Variants in FBLN7 observed in about 807,000 individuals in gnomAD.
The protein encoded by FBLN7 is fibulin 7.
A neutral mutation model predicts 44.0 loss-of-function variants in FBLN7; 31 were observed. The ratio of observed to expected loss-of-function variants is 0.70; its 90% CI spans 0.53 to 0.95. FBLN7 has a LOEUF of 0.95. Among genes scored for constraint, FBLN7 ranks in the 40% least tolerant of loss-of-function variants. The pLI is 0.00. For missense variants in FBLN7, 573 were observed against 618.5 expected, an observed-to-expected ratio of 0.93 and a Z score of 0.78; for synonymous variants, 262 against 253.4, an observed-to-expected ratio of 1.03 and a Z score of -0.32.
intron 1 of FBLN7, among the ~76,000 whole-genome samples, chr2:112,142,468 A>C (rs1199375337): frequency 6.6e-6 from 1 of 152,130 alleles, no homozygotes; most frequent in Non-Finnish European, 1.5e-5. Flanking sequence ...GGACTCCTGA[A>C]CCCACCAGTA....
the FBLN7 span, among the ~76,000 whole-genome samples, chr2:112,199,414 T>C: frequency 6.6e-6 from 1 of 152,182 alleles, no homozygotes; most frequent in Non-Finnish European, 1.5e-5. Context: ...TTTTCAACAT[T>C]GCTGCTCTAG....
the FBLN7 span, among the ~76,000 whole-genome samples, chr2:112,235,929 A>G: frequency 9.0e-6 from 1 of 110,776 alleles, no homozygotes. Context: ...CATTGATAGT[A>G]TAACACTAAA....
At chr2:112,219,366 A>G in the FBLN7 span, among the ~76,000 whole-genome samples, 1 of 152,332 alleles carries the variant, frequency 6.6e-6, no homozygotes, top group South Asian at 2.1e-4. Flanking sequence ...TGCTAGGAAA[A>G]CTGGATCTCC....
At chr2:112,184,016 A>G (rs940473424) in intron 6 of FBLN7, among the ~76,000 whole-genome samples, 1 of 152,200 alleles carries the variant, frequency 6.6e-6, no homozygotes, top group African/African-American at 2.4e-5. Context: ...TGATGTAGAC[A>G]TGCTGAATCT....
chr2:112,167,869 CGTTATGTTATGTTAT>C (rs137969881), intron 3 of FBLN7, among the ~76,000 whole-genome samples: 16 of 132,930 alleles, frequency 1.2e-4, no homozygotes, highest in East Asian at 1.1e-3. Context: ...AGGAAAGACA[CGTTATGTTATGTTAT>C]GTTATGTTAT....
Position 112,168,327 on chromosome 2 carries a change from C to A in FBLN7, c.406+3156C>A, listed in dbSNP as rs1169098337. Among the ~76,000 whole-genome samples the A allele has an allele frequency of 2.6e-5, 4 of 152,216 alleles. No individual in the cohort carries two copies. In the East Asian group the frequency reaches 7.7e-4, roughly 29 times the overall value. On this transcript the variant is annotated intron_variant, in intron 3 of 7. Coordinates refer to ENST00000331203, the MANE Select transcript of FBLN7 (RefSeq NM_153214.3). The stretch of plus-strand genomic sequence containing the variant: ...ACTTGGGAAGGACTAACTCAGGGAA[C>A]AAGGTGATGGCCAGTCCAGGATGAG...
chr2:112,237,212 T>C, the FBLN7 span, among the ~76,000 whole-genome samples: 2 of 152,134 alleles, frequency 1.3e-5, no homozygotes. Context: ...CATCCTGGAT[T>C]CCCCATTCAT....
At chr2:112,147,283 C>T (rs1269390797) in intron 1 of FBLN7, among the ~76,000 whole-genome samples, 1 of 152,104 alleles carries the variant, frequency 6.6e-6, no homozygotes, top group African/African-American at 2.4e-5. Context: ...TTGTATCTTT[C>T]AAGAAATTGG....
chr2:112,203,870 C>T, the FBLN7 span, among the ~76,000 whole-genome samples: 3 of 152,152 alleles, frequency 2.0e-5, no homozygotes, highest in African/African-American at 7.2e-5. Context: ...GACTTATTCA[C>T]TACCACGAGA....
At chr2:112,236,601 T>C in the FBLN7 span, 1 of 1,614,054 alleles carries the variant, frequency 6.2e-7, no homozygotes, top group Non-Finnish European at 8.5e-7. Context: ...AAGCATTTGA[T>C]CCTTTGTTTC....
At chr2:112,197,225 G>A in the FBLN7 span, among the ~76,000 whole-genome samples, 861 of 108,300 alleles carry the variant, frequency 8.0e-3, 8 homozygotes, top group African/African-American at 0.027. Context: ...ACTGGCATCC[G>A]TAAGAGAAAA....
the FBLN7 span, chr2:112,211,395 G>A: frequency 6.6e-6 from 1 of 152,158 alleles, no homozygotes; most frequent in Non-Finnish European, 1.5e-5. Flanking sequence ...CTAGGGAAGA[G>A]GAATCTTGGG....
intron 1 of FBLN7, among the ~76,000 whole-genome samples, chr2:112,147,837 A>G (rs1026453981): frequency 6.6e-6 from 1 of 152,112 alleles, no homozygotes; most frequent in African/African-American, 2.4e-5. Flanking sequence ...CACTTTTTCT[A>G]CACGGAAACT....
At chr2:112,159,652 G>A (rs1308754534) in intron 1 of FBLN7, 24 bp from the exon 2 acceptor site, 3 of 1,493,684 alleles carry the variant, frequency 2.0e-6, no homozygotes, top group Non-Finnish European at 2.7e-6. Flanking sequence ...AATGGGTGGT[G>A]GCGGCGATGT....
chr2:112,144,863 C>T (rs1234978691), intron 1 of FBLN7, among the ~76,000 whole-genome samples: 2 of 152,180 alleles, frequency 1.3e-5, no homozygotes, highest in Admixed American at 6.5e-5. Context: ...CAACAACCAC[C>T]GTGGTGTCAT....
chr2:112,211,239 C>T, the FBLN7 span, among the ~76,000 whole-genome samples: 4 of 152,164 alleles, frequency 2.6e-5, no homozygotes. Flanking sequence ...TTTTTAGAGT[C>T]AAAATCAACT....
At chr2:112,236,666 C>A in the FBLN7 span, 1 of 1,612,330 alleles carries the variant, frequency 6.2e-7, no homozygotes, top group South Asian at 1.1e-5. Context: ...TTGTGACCAG[C>A]TTTAAGATTT....
chr2:112,186,629 G>C (rs1683281749), intron 7 of FBLN7, among the ~76,000 whole-genome samples: 1 of 152,238 alleles, frequency 6.6e-6, no homozygotes, highest in South Asian at 2.1e-4. Context: ...GACAGAGTGA[G>C]ACTCTGTCTA....
At chr2:112,140,806 G>T (rs1218053299) in intron 1 of FBLN7, among the ~76,000 whole-genome samples, 1 of 152,196 alleles carries the variant, frequency 6.6e-6, no homozygotes, top group Non-Finnish European at 1.5e-5. Flanking sequence ...GGTTTCCGAA[G>T]CGGTCCCTTC....
Sources: allele counts gnomAD v4.1 joint callset (sites outside exome capture counted in the v4.1 genomes callset), GRCh38; gene constraint gnomAD v4.1.1; transcripts MANE v1.5; gene names NCBI Gene and HGNC (gene_info 2026-07-23, HGNC 2026-07-21).